The following MAP2K5 variants were observed in gnomAD, a reference collection of about 807,000 sequenced individuals.
MAP2K5 encodes the protein mitogen-activated protein kinase kinase 5.
In MAP2K5, 49 loss-of-function variants were observed where a neutral mutation model predicts 83.1. The observed-to-expected ratio is 0.59, with a 90% confidence interval of 0.47 to 0.75. The LOEUF (loss-of-function observed/expected upper bound fraction) is 0.75. Among genes scored for constraint, MAP2K5 ranks in the 30% least tolerant of loss-of-function variants. The pLI is 0.00. For synonymous variants in MAP2K5, 202 were observed against 191.8 expected, an observed-to-expected ratio of 1.05 and a Z score of -0.44; for missense variants, 457 against 557.5, an observed-to-expected ratio of 0.82 and a Z score of 1.82.
rs1440795087 is a variant in MAP2K5 at position 67,708,403 on chromosome 15, C to T, written c.1044+4995C>T. ...TTACATCTCCCTAGCACCCTTTCCT[C>T]CAGTTCCATAAACTGTCATCTCTGA... On this transcript the variant is annotated intron_variant, in intron 16 of 21. Coordinates refer to ENST00000178640, the MANE Select transcript of MAP2K5 (RefSeq NM_145160.3). The surrounding 1 kb of genome is among the most constrained non-coding windows in gnomAD (Gnocchi z 4.9). Among the ~76,000 whole-genome samples, 1 of 152,092 alleles carries T rather than the reference C, an allele frequency of 6.6e-6. No homozygotes were observed. Among genetic ancestry groups the T allele is most frequent in the Admixed American group, 6.5e-5 (1 of 15,268 alleles).
rs1877295215 is a variant in MAP2K5 at position 67,750,127 on chromosome 15, C to T, written c.1134+1526C>T. ...GTTTAATTTGGGCAAAATCATGAGA[C>T]TTTTGAAATTACCATGGGGAGATGT... On this transcript the variant is annotated intron_variant, in intron 19 of 21. Transcript: ENST00000178640. The surrounding 1 kb of genome is among the most constrained non-coding windows in gnomAD (Gnocchi z 4.2). Among the ~76,000 whole-genome samples the T allele has an allele frequency of 6.6e-6, 1 of 152,156 alleles. No individual in the cohort carries two copies. Among genetic ancestry groups the T allele is most frequent in the South Asian group, 2.1e-4 (1 of 4,828 alleles).
At chr15:67,574,765 G>A (rs907083054) in intron 3 of MAP2K5, among the ~76,000 whole-genome samples, 2 of 151,954 alleles carry the variant, frequency 1.3e-5, no homozygotes, top group Non-Finnish European at 2.9e-5. Context: ...TACTCAGGAG[G>A]CTGAGACAGG....
rs1291307391 is a variant in MAP2K5, at chr15:67,652,351, G to T, written c.736+5882G>T. 6.6e-6 allele frequency among the ~76,000 whole-genome samples: 1 copy of T among 152,120 alleles called. No individual in the cohort carries two copies. The highest frequency in any genetic ancestry group is 2.4e-5 in the African/African-American group (1 of 41,428). On this transcript the variant is annotated intron_variant, in intron 11 of 21. Coordinates refer to ENST00000178640, the MANE Select transcript of MAP2K5 (RefSeq NM_145160.3). The surrounding 1 kb of genome is among the most constrained non-coding windows in gnomAD (Gnocchi z 4.2). ...ACTGGGTAATTTATAAAGAAAAGTG[G>T]TTTATTTGGCTTATTATTTTGCAGG...
chr15:67,576,843 A>C (rs1178623257), intron 3 of MAP2K5, among the ~76,000 whole-genome samples: 1 of 147,210 alleles, frequency 6.8e-6, no homozygotes, highest in African/African-American at 2.5e-5. Flanking sequence ...TTCTTAACTA[A>C]TAATGCATTA....
At chr15:67,549,076 GTCA>G (rs1432225821) in intron 1 of MAP2K5, 1 of 1,529,226 alleles carries the variant, frequency 6.5e-7, no homozygotes, top group African/African-American at 1.4e-5. Flanking sequence ...GAGCGGCTTT[GTCA>G]GCCGGCTGCC....
chr15:67,549,077 T>A, intron 1 of MAP2K5: 2 of 1,529,368 alleles, frequency 1.3e-6, no homozygotes, highest in East Asian at 2.5e-5. Flanking sequence ...AGCGGCTTTG[T>A]CAGCCGGCTG....
In MAP2K5 at chr15:67,748,250, C is replaced by G; in HGVS notation, c.1094C>G (p.Ser365Cys). 1 of 1,607,964 alleles carries G rather than the reference C, an allele frequency of 6.2e-7. No individual in the cohort carries two copies. Among genetic ancestry groups the G allele is most frequent in the Non-Finnish European group, 8.5e-7 (1 of 1,175,076 alleles). The change falls in exon 18 of 22, where the codon TCT (serine) becomes TGT (cysteine). Residue 365 changes from serine (S) to cysteine (C), a missense_variant. Ser to Cys is a moderately radical substitution (Grantham distance 112, BLOSUM62 -1). Transcript: ENST00000178640. The surrounding 1 kb of genome is among the most constrained non-coding windows in gnomAD (Gnocchi z 4.0). ...PYPQIQKNQG[S>C]LMPLQLLQCI... is the part of the protein sequence containing the mutation. ...TTTCAGATTCAGAAAAACCAGGGAT[C>G]TTTAATGGTAAGCTTTATGAGTTCA... is the stretch of plus-strand genomic sequence containing the variant.
At chr15:67,600,347 C>T (rs1422745156) in intron 7 of MAP2K5, among the ~76,000 whole-genome samples, 5 of 152,116 alleles carry the variant, frequency 3.3e-5, no homozygotes, top group Non-Finnish European at 5.9e-5. Context: ...GTGCAGTGCT[C>T]TTTGGCATTG....
chr15:67,745,471 CTGTT>C (rs1429251724), intron 17 of MAP2K5, among the ~76,000 whole-genome samples: 1 of 152,196 alleles, frequency 6.6e-6, no homozygotes, highest in Admixed American at 6.5e-5. Context: ...TGGAGGTTGA[CTGTT>C]TGGATCTGTT....
At chr15:67,756,943 A>G (rs1318939242) in intron 19 of MAP2K5, among the ~76,000 whole-genome samples, 1 of 152,050 alleles carries the variant, frequency 6.6e-6, no homozygotes, top group Non-Finnish European at 1.5e-5. Flanking sequence ...TTATTCATCT[A>G]TTGACTGATC....
At chr15:67,711,012 ATCTTCT>A (rs377696928) in intron 16 of MAP2K5, among the ~76,000 whole-genome samples, 2 of 152,208 alleles carry the variant, frequency 1.3e-5, no homozygotes, top group African/African-American at 4.8e-5. Flanking sequence ...TGAAGGTAAT[ATCTTCT>A]TCTTCTGACC....
At chr15:67,725,385 T>C (rs1455426456) in intron 16 of MAP2K5, among the ~76,000 whole-genome samples, 1 of 152,248 alleles carries the variant, frequency 6.6e-6, no homozygotes, top group Non-Finnish European at 1.5e-5. Context: ...TTTTTTGCTG[T>C]ATCTCACTCC....
intron 15 of MAP2K5, among the ~76,000 whole-genome samples, chr15:67,700,622 A>C (rs1046564355): frequency 1.3e-5 from 2 of 152,166 alleles, no homozygotes; most frequent in African/African-American, 4.8e-5. Context: ...TGGGCCATCA[A>C]ATCCTGGCTC....
intron 16 of MAP2K5, among the ~76,000 whole-genome samples, chr15:67,706,684 C>A (rs1378616381): frequency 6.6e-6 from 1 of 152,092 alleles, no homozygotes; most frequent in Non-Finnish European, 1.5e-5. Flanking sequence ...AGGATTGTAG[C>A]CCCTGACCTC....
chr15:67,759,514 C>T (rs2089907823), intron 19 of MAP2K5, among the ~76,000 whole-genome samples: 1 of 149,352 alleles, frequency 6.7e-6, no homozygotes, highest in South Asian at 2.1e-4. Flanking sequence ...GAGCCAAGAT[C>T]ACGCTACTGC....
At chr15:67,600,329 T>G (rs775795149) in intron 7 of MAP2K5, among the ~76,000 whole-genome samples, 18 of 152,276 alleles carry the variant, frequency 1.2e-4, no homozygotes, top group Non-Finnish European at 1.8e-4. Flanking sequence ...AAGTTTGACT[T>G]TGGTTATGTG....
At chr15:67,787,743 G>T (rs1466123882) in intron 21 of MAP2K5, among the ~76,000 whole-genome samples, 2 of 152,158 alleles carry the variant, frequency 1.3e-5, no homozygotes, top group African/African-American at 4.8e-5. Context: ...TTGAAGTATG[G>T]TAGTGATTAA....
chr15:67,785,146 T>C lies in MAP2K5; in HGVS notation c.1242+12394T>C, dbSNP rs2090395391. ...TTTCAGTAGAGACGGGGTTTCCCCA[T>C]GTTGCCCAGGCTGGTCTCAAACTCC... On this transcript the variant is annotated intron_variant, in intron 21 of 21. Transcript: ENST00000178640. The surrounding 1 kb of genome is among the most constrained non-coding windows in gnomAD (Gnocchi z 4.4). Among the ~76,000 whole-genome samples, 1 of 152,150 alleles carries C rather than the reference T, an allele frequency of 6.6e-6. No homozygotes were observed. The highest frequency in any genetic ancestry group is 1.5e-5 in the Non-Finnish European group (1 of 68,016).
At chr15:67,742,628 T>C (rs2089519401) in intron 17 of MAP2K5, among the ~76,000 whole-genome samples, 1 of 152,216 alleles carries the variant, frequency 6.6e-6, no homozygotes. Context: ...ATATGGCAAA[T>C]GTCTAAAATC....
Sources: gnomAD v4.1 joint callset for allele counts (sites outside exome capture counted in the v4.1 genomes callset) on GRCh38, gnomAD v4.1.1 for gene constraint, Gnocchi (gnomAD v3.1) non-coding constraint, MANE v1.5 for transcripts, NCBI Gene and HGNC (gene_info 2026-07-23, HGNC 2026-07-21) for gene names.